Variants in PPWD1 observed in about 807,000 individuals in gnomAD.
PPWD1 encodes peptidylprolyl isomerase domain and WD repeat-containing protein 1.
In PPWD1, 43 loss-of-function variants were observed where a neutral mutation model predicts 68.8. That is an observed-to-expected ratio of 0.62 (90% CI 0.49 to 0.81). PPWD1 has a LOEUF of 0.81. Among genes scored for constraint, PPWD1 ranks in the 30% least tolerant of loss-of-function variants. The pLI, the probability that PPWD1 is intolerant of heterozygous loss-of-function variation, is 0.00. For missense variants in PPWD1, 672 were observed against 804.8 expected, an observed-to-expected ratio of 0.83 and a Z score of 2.00; for synonymous variants, 232 against 258.7, an observed-to-expected ratio of 0.90 and a Z score of 0.99.
chr5:65,567,688 G>T, intron 2 of PPWD1, 73 bp downstream of exon 2: 2 of 1,423,998 alleles, frequency 1.4e-6, no homozygotes, highest in Non-Finnish European at 9.3e-7. Flanking sequence ...TTTTGAGGTA[G>T]ATTTATAGAG....
chr5:65,578,758 G>A (rs1253005885), intron 6 of PPWD1, among the ~76,000 whole-genome samples: 8 of 70,842 alleles, frequency 1.1e-4, no homozygotes, highest in East Asian at 2.6e-4. Context: ...ACACATATAT[G>A]TGTATATATA....
At chr5:65,587,185 C>A in intron 10 of PPWD1, 68 bp from the exon 11 acceptor site, 1 of 1,431,230 alleles carries the variant, frequency 7.0e-7, no homozygotes, top group Non-Finnish European at 9.3e-7. Context: ...CTTTAATTTG[C>A]TCAACCAGAG....
At chr5:65,566,757 CTT>C (rs1457491913) in intron 1 of PPWD1, among the ~76,000 whole-genome samples, 5 of 151,332 alleles carry the variant, frequency 3.3e-5, no homozygotes, top group Non-Finnish European at 7.4e-5. Flanking sequence ...CTCCCTTCGT[CTT>C]TCTTTCCCTC....
At chr5:65,565,588 G>C (rs912998216) in intron 1 of PPWD1, among the ~76,000 whole-genome samples, 5 of 152,000 alleles carry the variant, frequency 3.3e-5, no homozygotes, top group Non-Finnish European at 5.9e-5. Flanking sequence ...CAGATCATCA[G>C]GTCAGGAGTT....
chr5:65,582,758 T>G, intron 7 of PPWD1: 1 of 220,694 alleles, frequency 4.5e-6, no homozygotes, highest in Non-Finnish European at 8.6e-6. Flanking sequence ...AAACAATTAT[T>G]CTTGTTAAAT....
intron 7 of PPWD1, 27 bp downstream of exon 7, chr5:65,579,640 C>G (rs753769614): frequency 1.4e-6 from 2 of 1,387,348 alleles, no homozygotes; most frequent in African/African-American, 3.0e-5. Context: ...GGAGATTAGA[C>G]GGTAATGTTC....
At chr5:65,576,109 A>AT (rs1301325757) in intron 5 of PPWD1, among the ~76,000 whole-genome samples, 1 of 85,010 alleles carries the variant, frequency 1.2e-5, no homozygotes. Context: ...AGTTATCTCA[A>AT]TTTTTTATAT....
At chr5:65,568,876 A>T (rs1752885961) in intron 2 of PPWD1, 1 of 454,918 alleles carries the variant, frequency 2.2e-6, no homozygotes, top group Non-Finnish European at 4.4e-6. Flanking sequence ...CATTGCTGTC[A>T]CTCTCTTCTC....
In PPWD1 at chr5:65,583,222, A is replaced by G. The variant is rs760149242; in HGVS notation, c.1532+3A>G. The G allele has an allele frequency of 5.1e-5, 80 of 1,561,314 alleles. No homozygotes were observed. Among genetic ancestry groups the G allele is most frequent in the Non-Finnish European group, 6.8e-5 (78 of 1,153,676 alleles). Reference sequence around the variant, plus strand: ...CACACCAAACTTTTTCCTGTTGAGTATGTATAACAACTGTTTTTATTGGCT... The same window carrying G: ...CACACCAAACTTTTTCCTGTTGAGTGTGTATAACAACTGTTTTTATTGGCT... On this transcript the variant is annotated splice_donor_region_variant and intron_variant, in intron 8 of 10. Transcript: ENST00000261308.
chr5:65,586,335 A>T (rs1017031131), intron 10 of PPWD1, among the ~76,000 whole-genome samples, 154 bp downstream of exon 10: 1 of 152,170 alleles, frequency 6.6e-6, no homozygotes, highest in Non-Finnish European at 1.5e-5. Flanking sequence ...ATATAAAATT[A>T]TGTGACTAAT....
At chr5:65,564,448 C>T (rs1002668413) in intron 1 of PPWD1, among the ~76,000 whole-genome samples, 3 of 151,936 alleles carry the variant, frequency 2.0e-5, no homozygotes, top group South Asian at 2.1e-4. Context: ...CCTGCCTCAG[C>T]CTCCCGAGTA....
chr5:65,563,598 A>C, intron 1 of PPWD1, 92 bp downstream of exon 1: 2 of 1,463,770 alleles, frequency 1.4e-6, no homozygotes, highest in South Asian at 2.7e-5. Context: ...TGATGTGTGG[A>C]GTTTTGTGCC....
intron 1 of PPWD1, 116 bp downstream of exon 1, chr5:65,563,622 G>A: frequency 2.9e-6 from 4 of 1,395,698 alleles, no homozygotes; most frequent in Non-Finnish European, 3.9e-6. Flanking sequence ...AGAACAGAGG[G>A]CCGTCCTCTC....
intron 4 of PPWD1, among the ~76,000 whole-genome samples, chr5:65,571,143 G>A (rs1752992043): frequency 6.6e-6 from 1 of 152,092 alleles, no homozygotes; most frequent in African/African-American, 2.4e-5. Context: ...TTCAGACTTT[G>A]ATAGAAATTC....
chr5:65,574,372 A>G (rs1377019416), intron 5 of PPWD1, among the ~76,000 whole-genome samples: 1 of 151,970 alleles, frequency 6.6e-6, no homozygotes, highest in Admixed American at 6.5e-5. Flanking sequence ...TAATTTTAAA[A>G]TTCTATTAAC....
chr5:65,567,365 C>A, intron 1 of PPWD1, 148 bp from the exon 2 acceptor site: 1 of 1,224,388 alleles, frequency 8.2e-7, no homozygotes, highest in Non-Finnish European at 1.1e-6. Context: ...AGATAACATA[C>A]TGGATTTTTT....
chr5:65,569,018 A>G (rs1422736928), intron 2 of PPWD1: 1 of 455,608 alleles, frequency 2.2e-6, no homozygotes. Context: ...ACATTTTAAA[A>G]CTATTTCCTA....
chr5:65,577,147 GTA>G (rs1308739772), intron 6 of PPWD1, 78 bp downstream of exon 6: 10 of 1,486,026 alleles, frequency 6.7e-6, no homozygotes, highest in Non-Finnish European at 9.0e-6. Flanking sequence ...AACAGTGGGA[GTA>G]TTGTTTGTTC....
chr5:65,587,132 T>G, intron 10 of PPWD1, 121 bp from the exon 11 acceptor site: 1 of 1,095,220 alleles, frequency 9.1e-7, no homozygotes, highest in Non-Finnish European at 1.2e-6. Context: ...TTATTGTACT[T>G]CTTTTTAAAT....
Sources: gnomAD v4.1 joint callset for allele counts (sites outside exome capture counted in the v4.1 genomes callset) on GRCh38, gnomAD v4.1.1 for gene constraint, MANE v1.5 for transcripts, NCBI Gene and HGNC (gene_info 2026-07-23, HGNC 2026-07-21) for gene names.